HNRNPH1: variants seen among roughly 807,000 people sequenced by gnomAD.
HNRNPH1 encodes the protein heterogeneous nuclear ribonucleoprotein H.
A neutral mutation model predicts 58.6 loss-of-function variants in HNRNPH1; 4 were observed. That is an observed-to-expected ratio of 0.07 (90% CI 0.03 to 0.16). HNRNPH1 has a LOEUF of 0.16. Among genes scored for constraint, HNRNPH1 ranks in the 10% least tolerant of loss-of-function variants. HNRNPH1 has a pLI of 1.00. For missense variants in HNRNPH1, 271 were observed against 564.2 expected, an observed-to-expected ratio of 0.48 and a Z score of 5.26; for synonymous variants, 192 against 189.2, an observed-to-expected ratio of 1.01 and a Z score of -0.12.
chr5:179,621,554 TAAAAA>T (rs1170850017), intron 1 of HNRNPH1, 157 bp from the exon 3 acceptor site: 1 of 585,588 alleles, frequency 1.7e-6, no homozygotes, highest in African/African-American at 1.9e-5. Flanking sequence ...AAACTCCAAT[TAAAAA>T]AAAACAAACT....
chr5:179,628,220 A>G (rs1203727267), upstream of HNRNPH1, among the ~76,000 whole-genome samples: 2 of 152,192 alleles, frequency 1.3e-5, no homozygotes, highest in African/African-American at 4.8e-5. Flanking sequence ...TAAGTTTAGA[A>G]AGCCCTTTCC....
At chr5:179,622,116 G>GA (rs967388334) in intron 1 of HNRNPH1, 89 of 404,890 alleles carry the variant, frequency 2.2e-4, no homozygotes, top group African/African-American at 1.8e-3. Flanking sequence ...AAATATTCAG[G>GA]AAACCTATGT....
intron 3 of HNRNPH1, chr5:179,620,126 A>T (rs894540046): frequency 6.6e-6 from 1 of 152,234 alleles, no homozygotes. Context: ...ACTTGATTTT[A>T]AAAATTCTGA....
chr5:179,621,309 T>C, exon 2 of HNRNPH1: 1 of 1,613,988 alleles, frequency 6.2e-7, no homozygotes, highest in Non-Finnish European at 8.5e-7. Context: ...CATCTTCTGA[T>C]TCAAGTTCAA....
At chr5:179,622,928 GC>G (rs1562325730) in intron 1 of HNRNPH1, 108 bp downstream of exon 2, 1 of 128,556 alleles carries the variant, frequency 7.8e-6, no homozygotes, top group Non-Finnish European at 1.6e-5. Context: ...GTCCCACCCG[GC>G]CCGGCCCGGC....
chr5:179,630,141 G>A (rs548285707), intron 2 of HNRNPH1, among the ~76,000 whole-genome samples: 10 of 152,078 alleles, frequency 6.6e-5, no homozygotes, highest in Middle Eastern at 3.2e-3. Context: ...CTGAGGTCGG[G>A]AGTTCAAGAC....
exon 2 of HNRNPH1, chr5:179,621,371 C>G: frequency 6.2e-7 from 1 of 1,613,590 alleles, no homozygotes; most frequent in Non-Finnish European, 8.5e-7. Flanking sequence ...AAACGAATAC[C>G]TTGAGCCCCA....
upstream of HNRNPH1, among the ~76,000 whole-genome samples, chr5:179,626,144 C>T (rs144244357): frequency 1.3e-3 from 190 of 151,966 alleles, 1 homozygote; most frequent in African/African-American, 4.3e-3. Flanking sequence ...AACTCTGTCA[C>T]CCAGGCTGGA....
intron 11 of HNRNPH1, 168 bp downstream of exon 12, chr5:179,615,958 T>A: frequency 1.2e-5 from 7 of 606,026 alleles, no homozygotes; most frequent in Non-Finnish European, 2.1e-5. Flanking sequence ...AAAGCATACA[T>A]TTCATAACCC....
exon 6 of HNRNPH1, chr5:179,618,047 A>G (rs768945177): frequency 9.9e-6 from 16 of 1,613,992 alleles, no homozygotes; most frequent in African/African-American, 2.7e-5. Flanking sequence ...TGTAATCATC[A>G]TAGCCTCCAT....
exon 5 of HNRNPH1, chr5:179,618,239 T>C (rs1161564152): frequency 6.2e-7 from 1 of 1,614,230 alleles, no homozygotes; most frequent in Admixed American, 1.7e-5. Flanking sequence ...CATAAGGACC[T>C]GGCCGCTGCA....
intron 2 of HNRNPH1, among the ~76,000 whole-genome samples, chr5:179,629,725 TTAA>T (rs1774684611): frequency 6.6e-6 from 1 of 152,234 alleles, no homozygotes; most frequent in Non-Finnish European, 1.5e-5. Flanking sequence ...CATGGATTTC[TTAA>T]TAATATGAAG....
upstream of HNRNPH1, among the ~76,000 whole-genome samples, chr5:179,626,908 G>A (rs888563453): frequency 2.6e-5 from 4 of 151,382 alleles, no homozygotes; most frequent in Non-Finnish European, 4.4e-5. Flanking sequence ...CCCGAGTAGA[G>A]TAGCTGGGAC....
intron 8 of HNRNPH1, 78 bp downstream of exon 9, chr5:179,617,431 ATCCTT>A: frequency 6.9e-7 from 1 of 1,448,076 alleles, no homozygotes; most frequent in Non-Finnish European, 9.5e-7. Context: ...CTTCTCATAT[ATCCTT>A]ATTTTTCCAT....
chr5:179,619,396 C>G, exon 4 of HNRNPH1: 1 of 1,612,546 alleles, frequency 6.2e-7, no homozygotes, highest in Non-Finnish European at 8.5e-7. Context: ...CCATTTGGCA[C>G]GATTTCCAAC....
At chr5:179,629,164 G>C (rs1444999860), upstream of HNRNPH1, 2 of 151,002 alleles carry the variant, frequency 1.3e-5, no homozygotes, top group Admixed American at 1.3e-4. Flanking sequence ...GGGCGTGGTG[G>C]CGGGCGCCTG....
chr5:179,616,625 TTAAG>T, intron 10 of HNRNPH1: 1 of 544,342 alleles, frequency 1.8e-6, no homozygotes, highest in Admixed American at 3.5e-5. Context: ...CTTAGAAAAT[TTAAG>T]TAGTTTCACT....
chr5:179,616,318 T>A, intron 10 of HNRNPH1, 100 bp from the exon 12 acceptor site: 1 of 958,362 alleles, frequency 1.0e-6, no homozygotes. Context: ...CCAGTCTTGA[T>A]CTTACATTAC....
chr5:179,633,279 C>T (rs1221216684), intron 2 of HNRNPH1, among the ~76,000 whole-genome samples: 1 of 134,306 alleles, frequency 7.4e-6, no homozygotes, highest in Non-Finnish European at 1.6e-5. Flanking sequence ...GTGTGAGCCA[C>T]CACGCCCGGC....
Sources: gnomAD v4.1 joint callset for allele counts (sites outside exome capture counted in the v4.1 genomes callset) on GRCh38, gnomAD v4.1.1 for gene constraint, MANE v1.5 for transcripts, NCBI Gene and HGNC (gene_info 2026-07-23, HGNC 2026-07-21) for gene names.